PLA2G15: variants seen among roughly 807,000 people sequenced by gnomAD.
The protein encoded by PLA2G15 is phospholipase A2 group XV.
In PLA2G15, 20 loss-of-function variants were observed where a neutral mutation model predicts 40.9. The ratio of observed to expected loss-of-function variants is 0.49; its 90% CI spans 0.34 to 0.71. The LOEUF is 0.71. Among genes scored for constraint, PLA2G15 ranks in the 30% least tolerant of loss-of-function variants. The pLI is 0.01. For missense variants in PLA2G15, 471 were observed against 541.9 expected, an observed-to-expected ratio of 0.87 and a Z score of 1.30; for synonymous variants, 223 against 228.2, an observed-to-expected ratio of 0.98 and a Z score of 0.21.
intron 2 of PLA2G15, among the ~76,000 whole-genome samples, chr16:68,251,288 A>C (rs2042353112): frequency 6.6e-6 from 1 of 152,178 alleles, no homozygotes; most frequent in Admixed American, 6.6e-5. Context: ...GAGTTCCGTG[A>C]AGGGAGGGAG....
In PLA2G15 at chr16:68,259,603, G is replaced by T; in HGVS notation, c.1185G>T (p.Met395Ile). The change falls in exon 6 of 6, where the codon ATG becomes ATT. Residue 395 changes from methionine (M) to isoleucine (I), a missense_variant. Coordinates refer to ENST00000219345, the MANE Select transcript of PLA2G15 (RefSeq NM_012320.4). This position sits in a 1 kb window ranked among gnomAD's most constrained non-coding sequence, Gnocchi z 6.5. Reference protein sequence around the residue: ...QELPGSEHIEMLANATTLAYL... With the variant: ...QELPGSEHIEILANATTLAYL... ...TGCCAGGCAGCGAGCACATCGAGATGCTGGCCAACGCCACCACCCTGGCCT... is the reference window on the plus strand; with the variant it reads ...TGCCAGGCAGCGAGCACATCGAGATTCTGGCCAACGCCACCACCCTGGCCT... The T allele has an allele frequency of 6.2e-7, 1 of 1,613,332 alleles. No individual in the cohort carries two copies. Among genetic ancestry groups the T allele is most frequent in the Non-Finnish European group, 8.5e-7 (1 of 1,180,030 alleles).
rs9922331 is a variant in PLA2G15, at chr16:68,260,254, C to T, written c.*597C>T. On this transcript the variant is annotated 3_prime_UTR_variant, in exon 6 of 6. Coordinates refer to ENST00000219345, the MANE Select transcript of PLA2G15 (RefSeq NM_012320.4). Reference sequence around the variant, plus strand: ...TCCTGCAGGCAGGGGCAGTTTGTTGCGTTCTTCGTGGTTCCCAGGCCCTGG... The same window carrying T: ...TCCTGCAGGCAGGGGCAGTTTGTTGTGTTCTTCGTGGTTCCCAGGCCCTGG... 4,583 of 154,522 alleles carry T rather than the reference C, an allele frequency of 0.03. 229 individuals carry two copies. The highest frequency in any genetic ancestry group is 0.1 in the African/African-American group (4,308 of 41,536). 9.6% of individuals were successfully genotyped at this position (154,522 alleles called of 1,614,324 possible). A position where few individuals can be genotyped will look rare whatever the true frequency, so the allele number is the denominator to read the frequency against.
chr16:68,256,201 A>C, intron 5 of PLA2G15: 1 of 520,010 alleles, frequency 1.9e-6, no homozygotes, highest in East Asian at 3.2e-5. Context: ...TACGAATAGA[A>C]GCCACATCTG....
rs2042389339 is a variant in PLA2G15 at position 68,255,046 on chromosome 16, C to T, written c.403+9C>T. On this transcript the variant is annotated intron_variant, in intron 3 of 5. Coordinates refer to ENST00000219345, the MANE Select transcript of PLA2G15 (RefSeq NM_012320.4). The surrounding 1 kb of genome is among the most constrained non-coding windows in gnomAD (Gnocchi z 5.9). ...CAGCAAAAGCAGCGTGGGTATGTAG[C>T]CCTTACTCAAGGCCTCCGGGAGCTG... 1 of 1,573,968 alleles carries T rather than the reference C, an allele frequency of 6.4e-7. No homozygotes were observed. The highest frequency in any genetic ancestry group is 1.7e-5 in the Admixed American group (1 of 59,862).
At chr16:68,257,889 G>T in intron 5 of PLA2G15, among the ~76,000 whole-genome samples, 1 of 152,204 alleles carries the variant, frequency 6.6e-6, no homozygotes, top group Non-Finnish European at 1.5e-5. Flanking sequence ...GTTCTGTCCT[G>T]CCTTGGCAGT....
chr16:68,245,529 G>A lies in PLA2G15; in HGVS notation c.103G>A (p.Gly35Arg), dbSNP rs771226585. 2.2e-5 allele frequency: 35 copies of A among 1,590,204 alleles called. No individual in the cohort carries two copies. In the Admixed American group the frequency reaches 4.6e-4, roughly 21 times the overall value. Reference sequence around the variant, plus strand: ...GCTCGCGGACCCAGCGCTCCCGGCCGGACGTCACCCCCCAGTGGTGCTGGG... The same window carrying A: ...GCTCGCGGACCCAGCGCTCCCGGCCAGACGTCACCCCCCAGTGGTGCTGGG... ...MLLADPALPAGRHPPVVLVPG... is the reference protein window; with the variant it reads ...MLLADPALPARRHPPVVLVPG... Residue 35 changes from glycine to arginine, a missense_variant, in exon 1 of 6, where the codon GGA (glycine) becomes AGA (arginine). Gly to Arg is a moderately radical substitution (Grantham distance 125). Coordinates refer to ENST00000219345, the MANE Select transcript of PLA2G15 (RefSeq NM_012320.4).
At chr16:68,256,067 TG>T (rs2042399577) in intron 5 of PLA2G15, 77 bp downstream of exon 5, 1 of 894,626 alleles carries the variant, frequency 1.1e-6, no homozygotes, top group Non-Finnish European at 1.7e-6. Context: ...AGTGTCCTCC[TG>T]GGCCAGCATG....
rs1372490106 is a variant in PLA2G15 at position 68,249,450 on chromosome 16, G to A, written c.284+4G>A. On this transcript the variant is annotated splice_donor_region_variant and intron_variant, in intron 2 of 5. Coordinates refer to ENST00000219345, the MANE Select transcript of PLA2G15 (RefSeq NM_012320.4). Reference sequence around the variant, plus strand: ...ACTGCTGGATTGACAATATCAGGTGGGGGCTGGGGCACACAGAGGGGGGTG... The same window carrying A: ...ACTGCTGGATTGACAATATCAGGTGAGGGCTGGGGCACACAGAGGGGGGTG... 7 of 1,613,820 alleles carry A rather than the reference G, an allele frequency of 4.3e-6. No individual in the cohort carries two copies. The highest frequency in any genetic ancestry group is 5.9e-6 in the Non-Finnish European group (7 of 1,179,878).
Position 68,259,977 on chromosome 16 carries a change from C to A in PLA2G15, c.*320C>A. 1 of 393,244 alleles carries A rather than the reference C, an allele frequency of 2.5e-6. No homozygotes were observed. Among genetic ancestry groups the A allele is most frequent in the Non-Finnish European group, 4.7e-6 (1 of 213,870 alleles). The allele number at this position is 393,244 out of a possible 1,614,324, so 24.4% of individuals were successfully genotyped here. ...CCAGTCCCTGCCTGGGGCCATGTGT[C>A]CCCCCTATTCCTGTGGGCTTTTCAT... On this transcript the variant is annotated 3_prime_UTR_variant, in exon 6 of 6. Coordinates refer to ENST00000219345, the MANE Select transcript of PLA2G15 (RefSeq NM_012320.4). The surrounding 1 kb of genome is among the most constrained non-coding windows in gnomAD (Gnocchi z 6.5).
chr16:68,249,348 C>G lies in PLA2G15; in HGVS notation c.186C>G (p.His62Gln), dbSNP rs1390363208. Residue 62 changes from histidine (H) to glutamine (Q), a missense_variant, in exon 2 of 6, where the codon CAC becomes CAG. By Grantham distance (24) the His-to-Gln change is conservative. Coordinates refer to ENST00000219345, the MANE Select transcript of PLA2G15 (RefSeq NM_012320.4). ...AGCTGGACAAGCCGACAGTGGTGCA[C>G]TACCTCTGCTCCAAGAAGACCGAAA... is the stretch of plus-strand genomic sequence containing the variant. ...EAKLDKPTVV[H>Q]YLCSKKTESY... 1 of 1,613,616 alleles carries G rather than the reference C, an allele frequency of 6.2e-7. No individual in the cohort carries two copies. The highest frequency in any genetic ancestry group is 8.5e-7 in the Non-Finnish European group (1 of 1,179,620).
In PLA2G15 at chr16:68,255,114, C is replaced by A; in HGVS notation, c.403+77C>A. ...GACTGGAGCTGGAGCTGGAGGAACT[C>A]TGCTGGTTTGTAGGGACAGCCTGTG... is the stretch of plus-strand genomic sequence containing the variant. On this transcript the variant is annotated intron_variant, in intron 3 of 5. Transcript: ENST00000219345. The surrounding 1 kb of genome is among the most constrained non-coding windows in gnomAD (Gnocchi z 5.9). The A allele has an allele frequency of 8.9e-7, 1 of 1,125,104 alleles. No individual in the cohort carries two copies. The highest frequency in any genetic ancestry group is 1.2e-5 in the South Asian group (1 of 80,026). 69.7% of individuals were successfully genotyped at this position (1,125,104 alleles called of 1,614,324 possible). A position where few individuals can be genotyped will look rare whatever the true frequency, so the allele number is the denominator to read the frequency against.
chr16:68,249,828 G>A (rs868005797), intron 2 of PLA2G15, among the ~76,000 whole-genome samples: 10 of 152,248 alleles, frequency 6.6e-5, no homozygotes, highest in Middle Eastern at 6.8e-3. Flanking sequence ...ACAGGTGCCC[G>A]CCACCATGCC....
At chr16:68,258,873 T>C (rs2042421130) in intron 5 of PLA2G15, 1 of 425,054 alleles carries the variant, frequency 2.4e-6, no homozygotes, top group Non-Finnish European at 4.2e-6. Context: ...GGCGGGAGGA[T>C]TGGTTGAGCC....
At chr16:68,254,732 C>T (rs2042386498) in intron 2 of PLA2G15, 187 bp from the exon 3 acceptor site, 1 of 564,708 alleles carries the variant, frequency 1.8e-6, no homozygotes, top group Non-Finnish European at 3.2e-6. Flanking sequence ...ACCTCAGCCT[C>T]CCTAAGTGCT....
At chr16:68,247,472 G>A (rs968340495) in intron 1 of PLA2G15, among the ~76,000 whole-genome samples, 3 of 152,198 alleles carry the variant, frequency 2.0e-5, no homozygotes, top group African/African-American at 7.2e-5. Flanking sequence ...TCAGGAAGTG[G>A]CCACTGCTAT....
intron 5 of PLA2G15, chr16:68,256,243 A>T (rs1336776668): frequency 2.2e-6 from 1 of 453,526 alleles, no homozygotes; most frequent in Admixed American, 3.9e-5. Flanking sequence ...AAGATGGTGG[A>T]TCCCCACACT....
At position 68,259,600 on chromosome 16, in the gene PLA2G15, G is replaced by A. The variant is rs746620487; in HGVS notation, c.1182G>A (p.Glu394=). The A allele has an allele frequency of 3.7e-6, 6 of 1,613,378 alleles. No homozygotes were observed. Among genetic ancestry groups the A allele is most frequent in the Non-Finnish European group, 4.2e-6 (5 of 1,180,024 alleles). The change falls in exon 6 of 6, where the codon GAG becomes GAA. Residue 394 remains glutamate (E), a synonymous_variant. Coordinates refer to ENST00000219345, the MANE Select transcript of PLA2G15 (RefSeq NM_012320.4). This position sits in a 1 kb window ranked among gnomAD's most constrained non-coding sequence, Gnocchi z 6.5. ...AGCTGCCAGGCAGCGAGCACATCGAGATGCTGGCCAACGCCACCACCCTGG... is the reference window on the plus strand; with the variant it reads ...AGCTGCCAGGCAGCGAGCACATCGAAATGCTGGCCAACGCCACCACCCTGG... ...LQELPGSEHI[E]MLANATTLAY... is the part of the protein sequence containing the mutation.
Position 68,255,720 on chromosome 16 carries a change from C to A in PLA2G15, c.503-46C>A. 1 of 1,521,760 alleles carries A rather than the reference C, an allele frequency of 6.6e-7. No individual in the cohort carries two copies. Among genetic ancestry groups the A allele is most frequent in the African/African-American group, 1.4e-5 (1 of 73,338 alleles). The allele number at this position is 1,521,760 out of a possible 1,614,324, so 94.3% of individuals were successfully genotyped here. ...CCTGAGAAAAGCTCAGTGGTTCCGG[C>A]TCCAGGACCCTTCCCACCTGACCCC... is the stretch of plus-strand genomic sequence containing the variant. On this transcript the variant is annotated intron_variant, in intron 4 of 5. Coordinates refer to ENST00000219345, the MANE Select transcript of PLA2G15 (RefSeq NM_012320.4). This position sits in a 1 kb window ranked among gnomAD's most constrained non-coding sequence, Gnocchi z 5.9.
rs905937868 is a variant in PLA2G15 at position 68,255,849 on chromosome 16, G to T, written c.586G>T (p.Ala196Ser). The stretch of plus-strand genomic sequence containing the variant: ...GTATGGGGGCCCCGTGGTGCTGGTT[G>T]CCCACAGTATGGGCAACATGTACAC... Reference protein sequence around the residue: ...QLYGGPVVLVAHSMGNMYTLY... With the variant: ...QLYGGPVVLVSHSMGNMYTLY... The change falls in exon 5 of 6, where the codon GCC (alanine) becomes TCC (serine). Residue 196 changes from alanine to serine, a missense_variant. By Grantham distance (99) the Ala-to-Ser change is moderately conservative (BLOSUM62 1). Coordinates refer to ENST00000219345, the MANE Select transcript of PLA2G15 (RefSeq NM_012320.4). This position sits in a 1 kb window ranked among gnomAD's most constrained non-coding sequence, Gnocchi z 5.9. The T allele has an allele frequency of 5.0e-6, 8 of 1,614,018 alleles. No homozygotes were observed. In the South Asian group the frequency reaches 7.7e-5, roughly 16 times the overall value.
Sources: allele counts gnomAD v4.1 joint callset (sites outside exome capture counted in the v4.1 genomes callset), GRCh38; gene constraint gnomAD v4.1.1; non-coding constraint Gnocchi (gnomAD v3.1); transcripts MANE v1.5; gene names NCBI Gene and HGNC (gene_info 2026-07-23, HGNC 2026-07-21).